The following GDA variants were observed in gnomAD, a reference collection of about 807,000 sequenced individuals.
GDA encodes the protein guanine deaminase.
GDA carries 18 observed loss-of-function variants against 59.6 expected under a neutral mutation model. That is an observed-to-expected ratio of 0.30 (90% CI 0.21 to 0.45). The LOEUF (loss-of-function observed/expected upper bound fraction) is 0.45, where lower values mean the gene tolerates loss of function less well. Among genes scored for constraint, GDA ranks in the 20% least tolerant of loss-of-function variants. GDA has a pLI of 1.00. For missense variants in GDA, 427 were observed against 552.3 expected (o/e 0.77, Z 2.27); for synonymous variants, 201 against 201.1 (o/e 1.00, Z 0.00).
At chr9:72,194,046 C>T (rs1832868426) in intron 1 of GDA, 1 of 152,192 alleles carries the variant, frequency 6.6e-6, no homozygotes, top group Admixed American at 6.5e-5. Flanking sequence ...GTGGGCTTCC[C>T]TTTGGCCCAG....
intron 6 of GDA, among the ~76,000 whole-genome samples, chr9:72,222,912 G>A (rs576722858): frequency 2.7e-3 from 406 of 152,174 alleles, no homozygotes; most frequent in African/African-American, 9.2e-3. Context: ...TCTCCATGTT[G>A]GTCAGGCTGG....
chr9:72,236,459 G>C (rs986041832), intron 10 of GDA, among the ~76,000 whole-genome samples: 2 of 152,052 alleles, frequency 1.3e-5, no homozygotes, highest in East Asian at 3.9e-4. Flanking sequence ...TTGAGAAATA[G>C]AAACGACCAG....
intron 12 of GDA, among the ~76,000 whole-genome samples, chr9:72,246,170 G>A (rs761989395): frequency 2.0e-5 from 3 of 152,062 alleles, no homozygotes; most frequent in African/African-American, 4.8e-5. Flanking sequence ...TTTTTGAGAC[G>A]GAGTTTTGCT....
chr9:72,136,215 C>T (rs1826218735), intron 1 of GDA, among the ~76,000 whole-genome samples: 1 of 151,976 alleles, frequency 6.6e-6, no homozygotes, highest in Non-Finnish European at 1.5e-5. Context: ...ATACTGTGGC[C>T]TATAGAAAGT....
At chr9:72,163,356 G>A (rs954596691) in intron 1 of GDA, among the ~76,000 whole-genome samples, 5 of 152,152 alleles carry the variant, frequency 3.3e-5, no homozygotes, top group African/African-American at 1.2e-4. Context: ...CCTTCAGTAT[G>A]TCCCATGAAC....
chr9:72,241,342 C>T (rs200664849), intron 11 of GDA, 44 bp downstream of exon 11: 70 of 1,436,208 alleles, frequency 4.9e-5, no homozygotes, highest in Non-Finnish European at 6.4e-5. Flanking sequence ...TACAACCATG[C>T]TGATCGGTGT....
intron 2 of GDA, among the ~76,000 whole-genome samples, chr9:72,200,697 T>A (rs1483418749): frequency 6.6e-6 from 1 of 152,208 alleles, no homozygotes; most frequent in Non-Finnish European, 1.5e-5. Flanking sequence ...AGGACTGACA[T>A]TGTAGAGAGA....
At chr9:72,119,867 TG>T (rs1227030983) in intron 1 of GDA, among the ~76,000 whole-genome samples, 2 of 152,214 alleles carry the variant, frequency 1.3e-5, no homozygotes, top group African/African-American at 4.8e-5. Flanking sequence ...GTTTTTCCTC[TG>T]TGACTTCTGC....
intron 1 of GDA, among the ~76,000 whole-genome samples, chr9:72,190,246 C>A (rs1832365996): frequency 6.6e-6 from 1 of 152,132 alleles, no homozygotes; most frequent in Non-Finnish European, 1.5e-5. Context: ...CCTGCCTCAG[C>A]CTCCCAAGTA....
At chr9:72,172,413 G>A (rs780166669) in intron 1 of GDA, among the ~76,000 whole-genome samples, 8 of 152,120 alleles carry the variant, frequency 5.3e-5, no homozygotes, top group Non-Finnish European at 8.8e-5. Context: ...GAGAAATTGA[G>A]TATTACAAAA....
chr9:72,161,063 A>ATTTTTTTTTTTTTTTTTTTTTTTTT (rs35376951), intron 1 of GDA, among the ~76,000 whole-genome samples: 1 of 141,594 alleles, frequency 7.1e-6, no homozygotes, highest in Non-Finnish European at 1.5e-5. Context: ...TTTGCCACTA[A>ATTTTTTTTTTTTTTTTTTTTTTTTT]TTTTTTTTTT....
chr9:72,243,853 C>T (rs191219177), intron 11 of GDA, among the ~76,000 whole-genome samples: 76 of 152,178 alleles, frequency 5.0e-4, no homozygotes, highest in African/African-American at 1.7e-3. Context: ...TTTATCTTAG[C>T]GGTGATAGAA....
intron 1 of GDA, among the ~76,000 whole-genome samples, chr9:72,118,496 A>G (rs1457780332): frequency 6.6e-6 from 1 of 152,166 alleles, no homozygotes; most frequent in East Asian, 1.9e-4. Context: ...CACGATATTG[A>G]TTATTTCAAC....
chr9:72,173,276 A>G (rs369127351), intron 1 of GDA, among the ~76,000 whole-genome samples: 5 of 151,420 alleles, frequency 3.3e-5, no homozygotes, highest in African/African-American at 1.2e-4. Flanking sequence ...TGAATGCAGC[A>G]TCTTGCGTAA....
chr9:72,162,876 C>G (rs1051600218), intron 1 of GDA, among the ~76,000 whole-genome samples: 1 of 152,150 alleles, frequency 6.6e-6, no homozygotes, highest in African/African-American at 2.4e-5. Flanking sequence ...CCAGGATGGT[C>G]TCGATCTCCT....
intron 3 of GDA, among the ~76,000 whole-genome samples, chr9:72,207,943 T>TA (rs139648313): frequency 1.8e-4 from 27 of 148,714 alleles, no homozygotes; most frequent in East Asian, 1.4e-3. Context: ...GGGCTTGTCT[T>TA]AAAAAAAAAA....
At chr9:72,187,886 G>T (rs182023515) in intron 1 of GDA, among the ~76,000 whole-genome samples, 1 of 152,324 alleles carries the variant, frequency 6.6e-6, no homozygotes, top group Non-Finnish European at 1.5e-5. Context: ...CTGGGGCAAA[G>T]GCCATCCTTG....
chr9:72,132,791 C>T lies in GDA; in HGVS notation c.-100+17958C>T, dbSNP rs188741544. ...TCCAACACTAATCAGAACAATATCC[C>T]TGTACCCGACTAAGTTGTAAGATTT... On this transcript the variant is annotated intron_variant, in intron 1 of 13. Transcript: ENST00000545168. Among the ~76,000 whole-genome samples, 989 of 152,248 alleles carry T rather than the reference C, an allele frequency of 6.5e-3. 7 individuals carry two copies. Among genetic ancestry groups the T allele is most frequent in the Non-Finnish European group, 8.2e-3 (559 of 68,024 alleles).
intron 1 of GDA, among the ~76,000 whole-genome samples, chr9:72,183,754 T>C (rs941205206): frequency 5.3e-5 from 8 of 152,198 alleles, no homozygotes; most frequent in Non-Finnish European, 2.9e-5. Context: ...GTAAAGTATG[T>C]AGGATGGTGT....
Sources: allele counts gnomAD v4.1 joint callset (sites outside exome capture counted in the v4.1 genomes callset), GRCh38; gene constraint gnomAD v4.1.1; transcripts MANE v1.5; gene names NCBI Gene and HGNC (gene_info 2026-07-23, HGNC 2026-07-21).